Variants in LRMDA observed in about 807,000 individuals in gnomAD.
LRMDA encodes leucine-rich melanocyte differentiation-associated protein.
A neutral mutation model predicts 29.8 loss-of-function variants in LRMDA; 18 were observed. The ratio of observed to expected loss-of-function variants is 0.60; its 90% CI spans 0.42 to 0.90. LRMDA has a LOEUF of 0.90. Among genes scored for constraint, LRMDA ranks in the 40% least tolerant of loss-of-function variants. LRMDA has a pLI of 0.00. For missense variants in LRMDA, 273 were observed against 273.9 expected (o/e 1.00, Z 0.02); for synonymous variants, 125 against 109.4 (o/e 1.14, Z -0.89).
chr10:76,486,738 C>T (rs1172773600), intron 6 of LRMDA, among the ~76,000 whole-genome samples: 1 of 151,872 alleles, frequency 6.6e-6, no homozygotes. Flanking sequence ...CTTTGGACAA[C>T]AGAGGCTACT....
At chr10:75,511,216 T>C (rs1845222195) in intron 2 of LRMDA, among the ~76,000 whole-genome samples, 1 of 152,034 alleles carries the variant, frequency 6.6e-6, no homozygotes, top group Non-Finnish European at 1.5e-5. Flanking sequence ...GCATCTGTAG[T>C]CCCACCTACT....
At chr10:76,188,995 C>T (rs968292838) in intron 5 of LRMDA, among the ~76,000 whole-genome samples, 1 of 151,324 alleles carries the variant, frequency 6.6e-6, no homozygotes, top group African/African-American at 2.4e-5. Context: ...GTAGTTAGAT[C>T]CCAATAAGTT....
At chr10:75,797,240 T>C (rs867889387) in intron 2 of LRMDA, among the ~76,000 whole-genome samples, 44 of 152,182 alleles carry the variant, frequency 2.9e-4, no homozygotes, top group African/African-American at 1.0e-3. Flanking sequence ...TTTTTGAATT[T>C]ATTCGCATAG....
chr10:75,719,558 C>T (rs906875935), intron 2 of LRMDA, among the ~76,000 whole-genome samples: 36 of 152,172 alleles, frequency 2.4e-4, no homozygotes, highest in African/African-American at 8.0e-4. Context: ...AACTTTTGAA[C>T]AGGAAAGAGG....
At chr10:75,983,362 CTT>C (rs1453484504) in intron 2 of LRMDA, among the ~76,000 whole-genome samples, 4 of 152,212 alleles carry the variant, frequency 2.6e-5, no homozygotes, top group African/African-American at 7.2e-5. Context: ...CTTTCCATCT[CTT>C]CTCTCGAAAC....
chr10:75,614,221 G>A (rs1270851808), intron 2 of LRMDA, among the ~76,000 whole-genome samples: 1 of 151,930 alleles, frequency 6.6e-6, no homozygotes, highest in African/African-American at 2.4e-5. Flanking sequence ...CTCACTCTTT[G>A]TTTTTCTTTT....
intron 2 of LRMDA, among the ~76,000 whole-genome samples, chr10:75,477,680 TA>T (rs1231589496): frequency 6.6e-6 from 1 of 152,356 alleles, no homozygotes; most frequent in Middle Eastern, 3.4e-3. Flanking sequence ...AAGGCTTGTA[TA>T]GCCCCTGGGG....
intron 6 of LRMDA, among the ~76,000 whole-genome samples, chr10:76,548,292 G>A (rs1300438594): frequency 6.6e-6 from 1 of 152,096 alleles, no homozygotes; most frequent in Non-Finnish European, 1.5e-5. Flanking sequence ...CTCCAATACA[G>A]TTAAAGAAAT....
At chr10:75,605,385 A>G (rs1840943626) in intron 2 of LRMDA, among the ~76,000 whole-genome samples, 1 of 152,198 alleles carries the variant, frequency 6.6e-6, no homozygotes, top group Non-Finnish European at 1.5e-5. Context: ...CCTGTTCTCC[A>G]TCTGGATATG....
At chr10:76,230,026 G>C (rs1463093007) in intron 5 of LRMDA, among the ~76,000 whole-genome samples, 1 of 152,058 alleles carries the variant, frequency 6.6e-6, no homozygotes, top group Non-Finnish European at 1.5e-5. Flanking sequence ...TAGCGAGGCA[G>C]TGTAATAACT....
Position 75,782,820 on chromosome 10 carries a change from C to T in LRMDA, c.132-253188C>T, listed in dbSNP as rs949564444. 6 of 1,455,984 alleles carry T rather than the reference C, an allele frequency of 4.1e-6. No individual in the cohort carries two copies. In the Admixed American group the frequency reaches 7.1e-5, roughly 17 times the overall value. The allele number at this position is 1,455,984 out of a possible 1,614,324, so 90.2% of individuals were successfully genotyped here. On this transcript the variant is annotated intron_variant, in intron 2 of 6. Coordinates refer to ENST00000611255, the MANE Select transcript of LRMDA (RefSeq NM_001305581.2). Reference sequence around the variant, plus strand: ...ACTTTCACTTGTTGAGAACCTTTAGCCAGCGCCGGCGTGCATGTGTTTTAG... The same window carrying T: ...ACTTTCACTTGTTGAGAACCTTTAGTCAGCGCCGGCGTGCATGTGTTTTAG...
chr10:75,529,212 T>C (rs1237513295), intron 2 of LRMDA, among the ~76,000 whole-genome samples: 2 of 152,094 alleles, frequency 1.3e-5, no homozygotes, highest in Admixed American at 6.6e-5. Flanking sequence ...TTAAGAATAC[T>C]AGGAGCTGGA....
intron 2 of LRMDA, among the ~76,000 whole-genome samples, chr10:75,828,647 T>C (rs1187645834): frequency 1.3e-5 from 2 of 152,212 alleles, no homozygotes; most frequent in Non-Finnish European, 2.9e-5. Context: ...CAACCTGACC[T>C]TCTCTACTCT....
At chr10:76,020,221 T>G (rs1847950273) in intron 2 of LRMDA, among the ~76,000 whole-genome samples, 1 of 152,204 alleles carries the variant, frequency 6.6e-6, no homozygotes, top group Non-Finnish European at 1.5e-5. Flanking sequence ...TATAAGCGTG[T>G]GGATACTTGG....
intron 2 of LRMDA, among the ~76,000 whole-genome samples, chr10:75,663,874 C>A (rs1471446821): frequency 6.6e-6 from 1 of 152,120 alleles, no homozygotes; most frequent in African/African-American, 2.4e-5. Context: ...GCGAGGACTG[C>A]TGGGGAGCCC....
intron 2 of LRMDA, among the ~76,000 whole-genome samples, chr10:75,619,810 T>A (rs1328887620): frequency 6.6e-6 from 1 of 152,182 alleles, no homozygotes; most frequent in East Asian, 1.9e-4. Flanking sequence ...ATAGCCAGAC[T>A]GCACTCTGGT....
chr10:76,456,123 C>G (rs1405012260), intron 6 of LRMDA, among the ~76,000 whole-genome samples: 3 of 152,140 alleles, frequency 2.0e-5, no homozygotes, highest in African/African-American at 7.2e-5. Context: ...CGTTCGGTCT[C>G]CATTTTGTTC....
chr10:76,047,219 A>G lies in LRMDA; in HGVS notation c.314A>G (p.Glu105Gly), dbSNP rs1159787382. The G allele has an allele frequency of 2.5e-6, 4 of 1,614,086 alleles. No homozygotes were observed. The South Asian group carries it at 3.3e-5, about 13-fold the overall frequency. The change falls in exon 4 of 7, where the codon GAG (glutamate) becomes GGG (glycine). Residue 105 changes from glutamate to glycine, a missense_variant. Glu to Gly is a moderately conservative substitution (Grantham distance 98). Coordinates refer to ENST00000611255, the MANE Select transcript of LRMDA (RefSeq NM_001305581.2). ...DHLAEVTPAL[E>G]YLSLLGNVAC... ...TTGGCAGAAGTGACACCAGCTCTGG[A>G]GTACCTCAGTCTGCTGGGCAACGTG...
At chr10:75,490,374 CAG>C (rs758999914) in intron 2 of LRMDA, among the ~76,000 whole-genome samples, 1,814 of 146,910 alleles carry the variant, frequency 0.012, 11 homozygotes, top group Non-Finnish European at 0.02. Context: ...CACACACACA[CAG>C]AGTCAACTTC....
Sources: allele counts gnomAD v4.1 joint callset (sites outside exome capture counted in the v4.1 genomes callset), GRCh38; gene constraint gnomAD v4.1.1; transcripts MANE v1.5; gene names NCBI Gene and HGNC (gene_info 2026-07-23, HGNC 2026-07-21).